The following HPF1 variants were observed in gnomAD, a reference collection of about 807,000 sequenced individuals.
The protein encoded by HPF1 is histone PARylation factor 1, also known as UPF0609 protein C4orf27.
A neutral mutation model predicts 38.8 loss-of-function variants in HPF1; 35 were observed. The observed-to-expected ratio is 0.90, with a 90% confidence interval of 0.69 to 1.19. HPF1 has a LOEUF of 1.19. Among genes scored for constraint, HPF1 ranks in the 50% most tolerant of loss-of-function variants. The probability of loss-of-function intolerance (pLI) is 0.00; values close to 1 mark genes in which losing one functional copy is unlikely to be tolerated. For missense variants in HPF1, 367 were observed against 405.8 expected (o/e 0.90, Z 0.82); for synonymous variants, 115 against 139.2 (o/e 0.83, Z 1.22).
intron 6 of HPF1, among the ~76,000 whole-genome samples, chr4:169,736,367 AAAAAAAAAAG>A (rs1417992867): frequency 6.0e-5 from 9 of 149,930 alleles, no homozygotes; most frequent in Non-Finnish European, 1.0e-4. Flanking sequence ...CACAAAAAAA[AAAAAAAAAAG>A]AAGTAAAAAA....
chr4:169,757,884 G>A lies in HPF1; in HGVS notation c.-7C>T. The A allele has an allele frequency of 1.3e-6, 2 of 1,553,974 alleles. No homozygotes were observed. Among genetic ancestry groups the A allele is most frequent in the Non-Finnish European group, 8.6e-7 (1 of 1,156,228 alleles). On this transcript the variant is annotated 5_prime_UTR_variant, in exon 1 of 8. Transcript: ENST00000393381. Reference sequence around the variant, plus strand: ...TCCCGCCACCGCCGACCATTCTGCAGCTGCAGCGCCAGCAGAATTCCCCGA... The same window carrying A: ...TCCCGCCACCGCCGACCATTCTGCAACTGCAGCGCCAGCAGAATTCCCCGA...
intron 4 of HPF1, among the ~76,000 whole-genome samples, chr4:169,743,335 C>A (rs1334830805): frequency 6.6e-6 from 1 of 150,684 alleles, no homozygotes; most frequent in South Asian, 2.1e-4. Flanking sequence ...GTCTCGAACT[C>A]CTGACCTCAG....
chr4:169,729,689 GC>G lies in HPF1; in HGVS notation c.929del (p.Gly310AlafsTer11). 1 of 1,533,330 alleles carries G rather than the reference GC, an allele frequency of 6.5e-7. No individual in the cohort carries two copies. 95.0% of individuals were successfully genotyped at this position (1,533,330 alleles called of 1,614,324 possible). ...GATTATATGCAAGAGGTAAAAGCTG[GC>G]CAGCAACTTTATGAAAATACTGAAA... Reference protein sequence around the residue: ...YGSHYFHKVAGQLLPLAYNLL... With the variant: ...YGSHYFHKVAXQLLPLAYNLL... On this transcript the variant is annotated frameshift_variant, in exon 8 of 8. Coordinates refer to ENST00000393381, the MANE Select transcript of HPF1 (RefSeq NM_017867.3). LOFTEE classifies it high-confidence loss of function.
chr4:169,731,944 G>A, intron 6 of HPF1, 68 bp from the exon 7 acceptor site: 1 of 1,331,116 alleles, frequency 7.5e-7, no homozygotes, highest in Admixed American at 2.0e-5. Flanking sequence ...TCAAAAGTAA[G>A]AAGATTATAA....
intron 6 of HPF1, among the ~76,000 whole-genome samples, chr4:169,732,381 T>C (rs1280616215): frequency 6.6e-6 from 1 of 152,094 alleles, no homozygotes; most frequent in Admixed American, 6.6e-5. Flanking sequence ...CCTCATGATC[T>C]GCCTGCCTCG....
At chr4:169,741,691 G>C (rs13353722) in intron 5 of HPF1, among the ~76,000 whole-genome samples, 5,235 of 152,270 alleles carry the variant, frequency 0.034, 213 homozygotes, top group African/African-American at 0.099. Context: ...GATTAAAAGA[G>C]TGGTAAATAC....
chr4:169,739,108 T>C (rs1347958953), intron 5 of HPF1, among the ~76,000 whole-genome samples: 1 of 152,176 alleles, frequency 6.6e-6, no homozygotes. Context: ...CTGCACGTTG[T>C]GCACATGTAC....
chr4:169,757,597 C>T (rs777985486), intron 1 of HPF1, among the ~76,000 whole-genome samples: 2 of 152,178 alleles, frequency 1.3e-5, no homozygotes, highest in Non-Finnish European at 2.9e-5. Flanking sequence ...ATCCGTTTCC[C>T]CAGGAAATGC....
intron 2 of HPF1, among the ~76,000 whole-genome samples, chr4:169,753,375 G>A (rs1219418619): frequency 6.6e-6 from 1 of 151,974 alleles, no homozygotes; most frequent in East Asian, 1.9e-4. Flanking sequence ...CTCTGTCACT[G>A]AGGCTGGAGT....
At position 169,736,359 on chromosome 4, in the gene HPF1, C is replaced by CAAA. The variant is rs750923800; in HGVS notation, c.736+1298_736+1300dup. ...TGGGTGACAGAGTGAGACCCTGTCACAAAAAAAAAAAAAAAAAGAAGTAAA... is the reference window on the plus strand; with the variant it reads ...TGGGTGACAGAGTGAGACCCTGTCACAAAAAAAAAAAAAAAAAAAAGAAGTAAA... On this transcript the variant is annotated intron_variant, in intron 6 of 7. Coordinates refer to ENST00000393381, the MANE Select transcript of HPF1 (RefSeq NM_017867.3). Among the ~76,000 whole-genome samples the CAAA allele has an allele frequency of 3.5e-3, 364 of 103,046 alleles. 6 individuals carry two copies. The highest frequency in any genetic ancestry group is 0.016 in the African/African-American group (332 of 20,140). 67.6% of individuals were successfully genotyped at this position (103,046 alleles called of 152,430 possible).
intron 3 of HPF1, among the ~76,000 whole-genome samples, chr4:169,749,907 A>T (rs1457523962): frequency 6.6e-6 from 1 of 152,100 alleles, no homozygotes; most frequent in East Asian, 1.9e-4. Context: ...ATTCCTAGCC[A>T]CATGTGCATT....
intron 6 of HPF1, among the ~76,000 whole-genome samples, chr4:169,736,329 C>T (rs1219722649): frequency 2.8e-5 from 4 of 142,906 alleles, no homozygotes; most frequent in Non-Finnish European, 4.5e-5. Context: ...CACTGCGCTC[C>T]GTCCTGGGTG....
At chr4:169,738,817 G>A (rs1733930029) in intron 5 of HPF1, among the ~76,000 whole-genome samples, 1 of 152,072 alleles carries the variant, frequency 6.6e-6, no homozygotes, top group South Asian at 2.1e-4. Context: ...CCATAAAAAA[G>A]GATGAGTTCA....
intron 5 of HPF1, among the ~76,000 whole-genome samples, chr4:169,739,168 G>A (rs184906895): frequency 9.9e-5 from 15 of 152,196 alleles, no homozygotes; most frequent in Admixed American, 7.2e-4. Flanking sequence ...AAAACTACTC[G>A]AAGGTAAATT....
chr4:169,731,310 C>T (rs1232277499), intron 7 of HPF1, among the ~76,000 whole-genome samples: 1 of 152,186 alleles, frequency 6.6e-6, no homozygotes, highest in Admixed American at 6.5e-5. Flanking sequence ...CAAATACCCC[C>T]ACCACAATGG....
intron 1 of HPF1, among the ~76,000 whole-genome samples, chr4:169,755,069 CCCT>C (rs199563127): frequency 0.044 from 6,094 of 137,942 alleles, 551 homozygotes; most frequent in African/African-American, 0.16. Context: ...TCCCCCCGCC[CCCT>C]CATATTTATA....
chr4:169,749,664 T>C (rs1560890940), intron 3 of HPF1, among the ~76,000 whole-genome samples: 1 of 142,934 alleles, frequency 7.0e-6, no homozygotes. Flanking sequence ...ATAAATCTTA[T>C]ATAATGGAAC....
intron 6 of HPF1, among the ~76,000 whole-genome samples, chr4:169,735,611 C>A (rs777149686): frequency 6.6e-6 from 1 of 152,182 alleles, no homozygotes; most frequent in Non-Finnish European, 1.5e-5. Context: ...CAGGGCACTA[C>A]AATTTAACAT....
chr4:169,732,947 T>C (rs957372383), intron 6 of HPF1, among the ~76,000 whole-genome samples: 2 of 152,216 alleles, frequency 1.3e-5, no homozygotes, highest in Non-Finnish European at 2.9e-5. Flanking sequence ...AGCATCAGAT[T>C]CTGGGTATCC....
Sources: allele counts gnomAD v4.1 joint callset (sites outside exome capture counted in the v4.1 genomes callset), GRCh38; gene constraint gnomAD v4.1.1; transcripts MANE v1.5; gene names NCBI Gene and HGNC (gene_info 2026-07-23, HGNC 2026-07-21).